RGS6: variants seen among roughly 807,000 people sequenced by gnomAD.
The protein encoded by RGS6 is regulator of G-protein signaling 6.
A neutral mutation model predicts 78.5 loss-of-function variants in RGS6; 30 were observed. The observed-to-expected ratio is 0.38, with a 90% CI of 0.29 to 0.52. RGS6 has a LOEUF of 0.52. Ranked by LOEUF, RGS6 falls within the 20% of genes least tolerant of loss-of-function variation. The pLI, the probability that RGS6 is intolerant of heterozygous loss-of-function variation, is 0.85. For synonymous variants in RGS6, 206 were observed against 206.0 expected, an observed-to-expected ratio of 1.00 and a Z score of 0.00; for missense variants, 495 against 609.7, an observed-to-expected ratio of 0.81 and a Z score of 1.98.
Position 72,088,509 on chromosome 14 carries a change from A to T in RGS6, c.84+123634A>T, listed in dbSNP as rs894665517. Among the ~76,000 whole-genome samples the T allele has an allele frequency of 2.6e-5, 4 of 152,184 alleles. No individual in the cohort carries two copies. In the South Asian group the frequency reaches 8.3e-4, roughly 32 times the overall value. On this transcript the variant is annotated intron_variant, in intron 2 of 17. Coordinates refer to ENST00000553525, the MANE Select transcript of RGS6 (RefSeq NM_001204424.2). Reference sequence around the variant, plus strand: ...TGATGGGCTGGGGAGAGGGGAAGGGAACCATCTCACTCATAGTTATTGACA... The same window carrying T: ...TGATGGGCTGGGGAGAGGGGAAGGGTACCATCTCACTCATAGTTATTGACA...
intron 2 of RGS6, among the ~76,000 whole-genome samples, chr14:72,324,000 AT>A (rs936669449): frequency 1.3e-5 from 2 of 151,976 alleles, no homozygotes; most frequent in Non-Finnish European, 2.9e-5. Flanking sequence ...TAAATAGAGT[AT>A]CCATCACTTC....
intron 2 of RGS6, among the ~76,000 whole-genome samples, chr14:72,218,639 GTCTC>G (rs2046151616): frequency 1.3e-5 from 2 of 151,894 alleles, no homozygotes; most frequent in Admixed American, 6.6e-5. Context: ...TTGAGATGGA[GTCTC>G]TCTCTGTCAC....
chr14:71,913,706 A>G, the RGS6 span, among the ~76,000 whole-genome samples: 5 of 152,264 alleles, frequency 3.3e-5, no homozygotes, highest in African/African-American at 9.6e-5. Flanking sequence ...GACACATGCA[A>G]GAAGAAACTC....
At chr14:72,354,996 T>C (rs2152753775) in intron 3 of RGS6, among the ~76,000 whole-genome samples, 1 of 152,242 alleles carries the variant, frequency 6.6e-6, no homozygotes, top group East Asian at 1.9e-4. Flanking sequence ...TTTGTATCTA[T>C]TTCACAGGCC....
At chr14:72,553,912 A>G (rs570975608) in intron 17 of RGS6, among the ~76,000 whole-genome samples, 1 of 152,364 alleles carries the variant, frequency 6.6e-6, no homozygotes, top group East Asian at 1.9e-4. Flanking sequence ...CATGGGGACC[A>G]AAAGCATCTC....
At chr14:72,182,485 C>T (rs1003728629) in intron 2 of RGS6, among the ~76,000 whole-genome samples, 11 of 151,154 alleles carry the variant, frequency 7.3e-5, no homozygotes, top group African/African-American at 2.4e-4. Flanking sequence ...TTAACTCCAA[C>T]CAAGCAAAAT....
In RGS6 at chr14:72,242,845, T is replaced by TTC. The variant is rs1448591147; in HGVS notation, c.85-109249_85-109248insCT. 8.9e-4 allele frequency among the ~76,000 whole-genome samples: 114 copies of TTC among 127,690 alleles called. 2 individuals are homozygous for TTC. The highest frequency in any genetic ancestry group is 3.3e-3 in the African/African-American group (111 of 33,320). 83.8% of individuals were successfully genotyped at this position (127,690 alleles called of 152,430 possible). A position where few individuals can be genotyped will look rare whatever the true frequency, so the allele number is the denominator to read the frequency against. ...TTCCAACTTCATTTCTTTTCTTTTTTTTTTTTTTTTTTTTTTTTTTTGAGA... is the reference window on the plus strand; with the variant it reads ...TTCCAACTTCATTTCTTTTCTTTTTTTCTTTTTTTTTTTTTTTTTTTTTGAGA... On this transcript the variant is annotated intron_variant, in intron 2 of 17. Coordinates refer to ENST00000553525, the MANE Select transcript of RGS6 (RefSeq NM_001204424.2).
intron 3 of RGS6, among the ~76,000 whole-genome samples, chr14:72,421,432 G>A (rs2153105665): frequency 6.6e-6 from 1 of 152,304 alleles, no homozygotes; most frequent in Middle Eastern, 3.4e-3. Context: ...ACCCAGAACA[G>A]AGAAGTGGTA....
the RGS6 span, among the ~76,000 whole-genome samples, chr14:71,873,323 T>G: frequency 6.6e-6 from 1 of 152,238 alleles, no homozygotes; most frequent in African/African-American, 2.4e-5. Flanking sequence ...GACCTTTTAA[T>G]GATCACCATT....
chr14:72,148,180 G>A (rs2096634607), intron 2 of RGS6, among the ~76,000 whole-genome samples: 2 of 149,322 alleles, frequency 1.3e-5, no homozygotes, highest in Admixed American at 1.3e-4. Flanking sequence ...GGTCACTTGA[G>A]GCCAGGAGTT....
At chr14:72,581,361 C>T in the RGS6 span, among the ~76,000 whole-genome samples, 1 of 152,112 alleles carries the variant, frequency 6.6e-6, no homozygotes, top group Non-Finnish European at 1.5e-5. Flanking sequence ...ATTTTTATAT[C>T]TTTCAGGCCA....
At chr14:72,049,932 A>C (rs1441714048) in intron 2 of RGS6, among the ~76,000 whole-genome samples, 1 of 152,240 alleles carries the variant, frequency 6.6e-6, no homozygotes, top group Non-Finnish European at 1.5e-5. Context: ...GTGACACTAA[A>C]TATATACATA....
intron 17 of RGS6, 132 bp downstream of exon 17, chr14:72,540,226 G>A (rs541614600): frequency 1.5e-5 from 23 of 1,527,640 alleles, no homozygotes; most frequent in South Asian, 8.6e-5. Flanking sequence ...TTTCTCCCTC[G>A]ACTCAGCCCT....
chr14:71,950,559 A>G (rs2092189052), intron 1 of RGS6, among the ~76,000 whole-genome samples: 1 of 152,244 alleles, frequency 6.6e-6, no homozygotes, highest in African/African-American at 2.4e-5. Context: ...AACAAAAGCA[A>G]AAATTGAGAA....
downstream of RGS6, among the ~76,000 whole-genome samples, chr14:72,571,168 A>G (rs541510614): frequency 2.6e-4 from 40 of 152,302 alleles, no homozygotes; most frequent in South Asian, 1.0e-3. Context: ...ACCAACCCAG[A>G]GCCTTCATTC....
chr14:71,895,823 A>C, the RGS6 span, among the ~76,000 whole-genome samples: 1 of 152,180 alleles, frequency 6.6e-6, no homozygotes, highest in Non-Finnish European at 1.5e-5. Context: ...GCTCCATGGC[A>C]GGCGCTCCCT....
At chr14:71,897,336 T>C in the RGS6 span, among the ~76,000 whole-genome samples, 1 of 152,274 alleles carries the variant, frequency 6.6e-6, no homozygotes, top group African/African-American at 2.4e-5. Flanking sequence ...CTCTCCAAGC[T>C]TTGATTTCCT....
chr14:72,339,602 G>A (rs2152665307), intron 2 of RGS6, among the ~76,000 whole-genome samples: 1 of 152,240 alleles, frequency 6.6e-6, no homozygotes, highest in South Asian at 2.1e-4. Flanking sequence ...GTGGGGCAAT[G>A]CAGAGGACAT....
At chr14:71,882,921 G>A in the RGS6 span, among the ~76,000 whole-genome samples, 2 of 152,132 alleles carry the variant, frequency 1.3e-5, no homozygotes, top group East Asian at 3.9e-4. Flanking sequence ...AGCTGGTTCT[G>A]GGTCAAACAG....
Sources: gnomAD v4.1 joint callset for allele counts (sites outside exome capture counted in the v4.1 genomes callset) on GRCh38, gnomAD v4.1.1 for gene constraint, MANE v1.5 for transcripts, NCBI Gene and HGNC (gene_info 2026-07-23, HGNC 2026-07-21) for gene names.